Variants in GCC2 observed in about 807,000 individuals in gnomAD.
GCC2 encodes the protein GRIP and coiled-coil domain containing 2, also known as GRIP and coiled-coil domain-containing protein 2.
A neutral mutation model predicts 210.6 loss-of-function variants in GCC2; 120 were observed. That is an observed-to-expected ratio of 0.57 (90% CI 0.49 to 0.66). GCC2 has a LOEUF of 0.66. Ranked by LOEUF, GCC2 falls within the 30% of genes least tolerant of loss-of-function variation. GCC2 has a pLI of 0.00. For synonymous variants in GCC2, 703 were observed against 652.7 expected (o/e 1.08, Z -1.17); for missense variants, 1,868 against 1,871.9 (o/e 1.00, Z 0.04).
chr2:108,489,820 T>C lies in GCC2; in HGVS notation c.4053-18T>C, dbSNP rs747151197. On this transcript the variant is annotated intron_variant, in intron 17 of 22. Transcript: ENST00000309863. ...CACCTTTTTCAAAAAATTTTAAAAC[T>C]GTGTATTTCTGTTTTAGGGAACATC... 2 of 1,555,808 alleles carry C rather than the reference T, an allele frequency of 1.3e-6. No individual in the cohort carries two copies. Among genetic ancestry groups the C allele is most frequent in the East Asian group, 2.3e-5 (1 of 43,428 alleles).
intron 4 of GCC2, among the ~76,000 whole-genome samples, chr2:108,460,452 A>G (rs1221112660): frequency 6.6e-6 from 1 of 151,932 alleles, no homozygotes; most frequent in Admixed American, 6.6e-5. Flanking sequence ...ATTGTTTGTT[A>G]TAGTGGTTTG....
chr2:108,468,850 G>A (rs1681038249), intron 4 of GCC2, 130 bp from the exon 5 acceptor site: 9 of 582,684 alleles, frequency 1.5e-5, no homozygotes, highest in Admixed American at 3.0e-5. Context: ...TTCTCTTTGC[G>A]CAATGTGTTC....
At chr2:108,456,471 ACTT>A (rs1558728447) in intron 4 of GCC2, among the ~76,000 whole-genome samples, 1 of 152,048 alleles carries the variant, frequency 6.6e-6, no homozygotes, top group Admixed American at 6.6e-5. Context: ...TTTATCATAT[ACTT>A]CTTGGCCATT....
chr2:108,500,488 G>A (rs569985174), intron 22 of GCC2, among the ~76,000 whole-genome samples: 7 of 152,240 alleles, frequency 4.6e-5, no homozygotes, highest in South Asian at 2.1e-4. Context: ...CCAGCCTGAC[G>A]GCAGAGCGAG....
chr2:108,508,185 CTA>C lies in GCC2; in HGVS notation c.*557_*558del, dbSNP rs1683300791. The C allele has an allele frequency of 6.6e-6, 1 of 151,016 alleles. No individual in the cohort carries two copies. Among genetic ancestry groups the C allele is most frequent in the South Asian group, 2.1e-4 (1 of 4,692 alleles). 9.4% of individuals were successfully genotyped at this position (151,016 alleles called of 1,614,324 possible). ...ATAAAATAAAAATAACGTTTTATGA[CTA>C]TTTATTGCAAGGTCAGAGTTACAGA... On this transcript the variant is annotated 3_prime_UTR_variant, in exon 23 of 23. Transcript: ENST00000309863.
At chr2:108,501,189 G>A (rs2917985) in intron 22 of GCC2, among the ~76,000 whole-genome samples, 90,418 of 150,858 alleles carry the variant, frequency 0.6, 28,046 homozygotes, top group East Asian at 0.93. Flanking sequence ...GTTTCACCAT[G>A]TTGGCCAGGA....
At chr2:108,468,074 T>C (rs1438815528) in intron 4 of GCC2, among the ~76,000 whole-genome samples, 2 of 152,002 alleles carry the variant, frequency 1.3e-5, no homozygotes, top group African/African-American at 4.8e-5. Flanking sequence ...TTTCTTTTTT[T>C]TTTTTGACAC....
intron 1 of GCC2, 104 bp from the exon 2 acceptor site, chr2:108,449,529 C>T (rs1309812447): frequency 7.7e-7 from 1 of 1,303,988 alleles, no homozygotes; most frequent in African/African-American, 1.5e-5. Context: ...AGGCTTTCCA[C>T]CACTTGATTC....
At position 108,461,865 on chromosome 2, in the gene GCC2, G is replaced by A. The variant is rs536020501; in HGVS notation, c.217-7115G>A. ...TTTTTTTTTTTTGAGACAGAGTCTC[G>A]CTCTTTCGCCCAGGCCGGACTGCAG... is the stretch of plus-strand genomic sequence containing the variant. On this transcript the variant is annotated intron_variant, in intron 4 of 22. Coordinates refer to ENST00000309863, the MANE Select transcript of GCC2 (RefSeq NM_181453.4). 3.5e-3 allele frequency among the ~76,000 whole-genome samples: 398 copies of A among 114,726 alleles called. 6 individuals are homozygous for A. Among genetic ancestry groups the A allele is most frequent in the Non-Finnish European group, 4.3e-3 (256 of 59,738 alleles). The allele number at this position is 114,726 out of a possible 152,430, so 75.3% of individuals were successfully genotyped here.
At chr2:108,453,918 A>G (rs1680100257) in intron 4 of GCC2, among the ~76,000 whole-genome samples, 1 of 151,966 alleles carries the variant, frequency 6.6e-6, no homozygotes, top group Non-Finnish European at 1.5e-5. Context: ...AGTTTCTTTT[A>G]CATCTCAGAG....
At position 108,470,716 on chromosome 2, in the gene GCC2, A is replaced by C. The variant is rs190820622; in HGVS notation, c.1387A>C (p.Lys463Gln). Residue 463 changes from lysine (K) to glutamine (Q), a missense_variant, in exon 6 of 23, where the codon AAG becomes CAG. Lys to Gln is a moderately conservative substitution (Grantham distance 53). Transcript: ENST00000309863. ...ATTAATGTTTGAAATACAGGGTCTT[A>C]AGGAACAGTGTGAAAACCTACAGCA... ...LTLMFEIQGL[K>Q]EQCENLQQEK... 2 of 1,612,628 alleles carry C rather than the reference A, an allele frequency of 1.2e-6. No homozygotes were observed. The highest frequency in any genetic ancestry group is 1.7e-5 in the Admixed American group (1 of 59,834).
chr2:108,503,661 A>G (rs1176800994), intron 22 of GCC2, among the ~76,000 whole-genome samples: 1 of 152,196 alleles, frequency 6.6e-6, no homozygotes, highest in Non-Finnish European at 1.5e-5. Context: ...AGAGCAAACA[A>G]GTACCTTTTG....
At chr2:108,458,162 C>T (rs903797514) in intron 4 of GCC2, among the ~76,000 whole-genome samples, 2 of 152,042 alleles carry the variant, frequency 1.3e-5, no homozygotes, top group South Asian at 2.1e-4. Context: ...CCTTTTTCTG[C>T]GTCTAGTGAG....
Position 108,470,574 on chromosome 2 carries a change from T to C in GCC2, c.1245T>C (p.Phe415=), listed in dbSNP as rs751881094. 29 of 1,608,320 alleles carry C rather than the reference T, an allele frequency of 1.8e-5. No individual in the cohort carries two copies. Among genetic ancestry groups the C allele is most frequent in the Admixed American group, 5.1e-5 (3 of 59,120 alleles). ...KSELAGLNKQ[F]CYTVEQHNRE... ...AGCTAGCAGGTTTAAATAAACAGTT[T>C]TGCTATACTGTAGAACAGCATAACA... is the stretch of plus-strand genomic sequence containing the variant. The change falls in exon 6 of 23, where the codon TTT becomes TTC. Residue 415 remains phenylalanine (F), a synonymous_variant. Coordinates refer to ENST00000309863, the MANE Select transcript of GCC2 (RefSeq NM_181453.4).
At chr2:108,452,938 C>T (rs1251092319) in intron 4 of GCC2, among the ~76,000 whole-genome samples, 3 of 152,122 alleles carry the variant, frequency 2.0e-5, no homozygotes, top group Admixed American at 6.5e-5. Flanking sequence ...ACGATCCGCC[C>T]GCCTCAGCCT....
intron 21 of GCC2, among the ~76,000 whole-genome samples, chr2:108,497,348 C>T (rs1325949999): frequency 6.6e-6 from 1 of 152,190 alleles, no homozygotes; most frequent in African/African-American, 2.4e-5. Context: ...GATCTCCTGA[C>T]CTCGTGATCC....
At chr2:108,467,379 T>C (rs774472731) in intron 4 of GCC2, among the ~76,000 whole-genome samples, 2 of 152,248 alleles carry the variant, frequency 1.3e-5, no homozygotes, top group Non-Finnish European at 2.9e-5. Flanking sequence ...TTTGTGAAAC[T>C]CTGTTGTTTC....
intron 1 of GCC2, 39 bp from the exon 2 acceptor site, chr2:108,449,594 A>G (rs975946085): frequency 5.7e-6 from 9 of 1,592,208 alleles, no homozygotes; most frequent in Non-Finnish European, 6.0e-6. Flanking sequence ...AATTAGGAAA[A>G]GAGTTCTTCT....
intron 21 of GCC2, among the ~76,000 whole-genome samples, chr2:108,498,501 A>G (rs1352893908): frequency 6.6e-6 from 1 of 152,048 alleles, no homozygotes; most frequent in Non-Finnish European, 1.5e-5. Context: ...GCCAAATGTT[A>G]TATTTTCATA....
Sources: allele counts gnomAD v4.1 joint callset (sites outside exome capture counted in the v4.1 genomes callset), GRCh38; gene constraint gnomAD v4.1.1; transcripts MANE v1.5; gene names NCBI Gene and HGNC (gene_info 2026-07-23, HGNC 2026-07-21).